The following TMEM168 variants were observed in gnomAD, a reference collection of about 807,000 sequenced individuals.
The protein encoded by TMEM168 is transmembrane protein 168.
Under a neutral mutation model 53.2 loss-of-function variants are expected in TMEM168, and 40 were observed. The ratio of observed to expected loss-of-function variants is 0.75; its 90% CI spans 0.58 to 0.98. The LOEUF is 0.98. Ranked by LOEUF, TMEM168 falls within the 50% of genes least tolerant of loss-of-function variation. The pLI is 0.00. For missense variants in TMEM168, 771 were observed against 828.8 expected, an observed-to-expected ratio of 0.93 and a Z score of 0.86; for synonymous variants, 282 against 293.0, an observed-to-expected ratio of 0.96 and a Z score of 0.38.
Position 112,772,869 on chromosome 7 carries a change from T to C in TMEM168, c.1458A>G (p.Glu486=), listed in dbSNP as rs781035143. The change falls in exon 4 of 5, where the codon GAA becomes GAG. Residue 486 remains glutamate (E), a synonymous_variant. Coordinates refer to ENST00000312814, the MANE Select transcript of TMEM168 (RefSeq NM_022484.6). ...GTCTGGGTCCATCCACTGTCCGAAG[T>C]TCGAGGAAAGCTTTTAGTTTGGAAT... The part of the protein sequence containing the change: ...TLHSKLKAFL[E]LRTVDGPRHD... 1 of 1,614,056 alleles carries C rather than the reference T, an allele frequency of 6.2e-7. No individual in the cohort carries two copies. Among genetic ancestry groups the C allele is most frequent in the Non-Finnish European group, 8.5e-7 (1 of 1,179,982 alleles).
chr7:112,768,999 T>C (rs1792861797), intron 4 of TMEM168, among the ~76,000 whole-genome samples: 1 of 152,208 alleles, frequency 6.6e-6, no homozygotes, highest in Admixed American at 6.5e-5. Flanking sequence ...TTCACTTCCA[T>C]GTGGTTTTTA....
At chr7:112,768,943 T>C (rs751593757) in intron 4 of TMEM168, among the ~76,000 whole-genome samples, 1 of 152,208 alleles carries the variant, frequency 6.6e-6, no homozygotes, top group African/African-American at 2.4e-5. Context: ...AGAAAAAGCA[T>C]GACAGTACAT....
At chr7:112,769,767 AC>A (rs1166580559) in intron 4 of TMEM168, among the ~76,000 whole-genome samples, 4 of 152,274 alleles carry the variant, frequency 2.6e-5, no homozygotes, top group South Asian at 4.1e-4. Flanking sequence ...TAAATTATCT[AC>A]ATTTTTTCCA....
At chr7:112,781,123 CAAAA>C (rs1213448367) in intron 2 of TMEM168, among the ~76,000 whole-genome samples, 2 of 96,908 alleles carry the variant, frequency 2.1e-5, no homozygotes, top group Non-Finnish European at 4.6e-5. Context: ...AATAAAGAAG[CAAAA>C]AAAAAAAAAG....
At chr7:112,786,593 A>C (rs937405653) in intron 1 of TMEM168, among the ~76,000 whole-genome samples, 14 of 150,420 alleles carry the variant, frequency 9.3e-5, no homozygotes, top group African/African-American at 3.2e-4. Flanking sequence ...TCTGGAATGC[A>C]TTGAGTTTTT....
At chr7:112,771,488 G>C (rs891483859) in intron 4 of TMEM168, among the ~76,000 whole-genome samples, 8 of 152,120 alleles carry the variant, frequency 5.3e-5, no homozygotes, top group Non-Finnish European at 1.2e-4. Flanking sequence ...ATGTGTGTAA[G>C]GTACTAAGTA....
rs1792711638 is a variant in TMEM168 at position 112,763,938 on chromosome 7, A to C, written c.*3259T>G. ...AAGAATTTTGAATTTATTAAGAGCA[A>C]GACAGAATTCTATGGAAATATAACC... On this transcript the variant is annotated 3_prime_UTR_variant, in exon 5 of 5. Transcript: ENST00000312814. The C allele has an allele frequency of 6.6e-6, 1 of 152,112 alleles. No homozygotes were observed. Among genetic ancestry groups the C allele is most frequent in the African/African-American group, 2.4e-5 (1 of 41,446 alleles). 9.4% of individuals were successfully genotyped at this position (152,112 alleles called of 1,614,324 possible). A position where few individuals can be genotyped will look rare whatever the true frequency, so the allele number is the denominator to read the frequency against.
rs147049605 is a variant in TMEM168 at position 112,784,698 on chromosome 7, T to C, written c.128A>G (p.Asn43Ser). The C allele has an allele frequency of 5.6e-6, 9 of 1,613,916 alleles. No homozygotes were observed. Among genetic ancestry groups the C allele is most frequent in the South Asian group, 5.5e-5 (5 of 91,056 alleles). ...VRYLGYLARI[N>S]LLVAICLGLY... The stretch of plus-strand genomic sequence containing the variant: ...ACCTAAGCATATAGCAACCAATAAA[T>C]TGATTCTGGCTAAATAGCCAAGATA... The change falls in exon 2 of 5, where the codon AAT becomes AGT. Residue 43 changes from asparagine to serine, a missense_variant. Coordinates refer to ENST00000312814, the MANE Select transcript of TMEM168 (RefSeq NM_022484.6).
chr7:112,785,521 C>T (rs563791575), intron 1 of TMEM168, among the ~76,000 whole-genome samples: 4 of 152,160 alleles, frequency 2.6e-5, no homozygotes, highest in Non-Finnish European at 5.9e-5. Flanking sequence ...TACTCAGTCC[C>T]TAAAGTTGAG....
At position 112,784,855 on chromosome 7, in the gene TMEM168, G is replaced by A. The variant is rs368212739; in HGVS notation, c.-30C>T. The A allele has an allele frequency of 4.7e-5, 71 of 1,507,734 alleles. No homozygotes were observed. Among genetic ancestry groups the A allele is most frequent in the Admixed American group, 9.3e-5 (4 of 42,992 alleles). The allele number at this position is 1,507,734 out of a possible 1,614,324, so 93.4% of individuals were successfully genotyped here. ...CCAGCAATGTGGGCTTTTCCCTCAC[G>A]TTACAAAAATTAACCGCTTGTATTT... On this transcript the variant is annotated 5_prime_UTR_variant, in exon 2 of 5. The change creates a new upstream start codon in the 5' untranslated region. Coordinates refer to ENST00000312814, the MANE Select transcript of TMEM168 (RefSeq NM_022484.6).
intron 3 of TMEM168, among the ~76,000 whole-genome samples, chr7:112,773,259 T>C (rs1792979189): frequency 6.6e-6 from 1 of 152,198 alleles, no homozygotes; most frequent in South Asian, 2.1e-4. Context: ...TTATATTTAC[T>C]ATCATTAAAA....
chr7:112,783,778 G>A lies in TMEM168; in HGVS notation c.1048C>T (p.Arg350Cys), dbSNP rs776256116. Residue 350 changes from arginine (R) to cysteine (C), a missense_variant, in exon 2 of 5, where the codon CGC (arginine) becomes TGC (cysteine). Arg to Cys is a radical substitution (Grantham distance 180). Coordinates refer to ENST00000312814, the MANE Select transcript of TMEM168 (RefSeq NM_022484.6). ...LDRIMASKGMRHFCLISEQLV... is the reference protein window; with the variant it reads ...LDRIMASKGMCHFCLISEQLV... Reference sequence around the variant, plus strand: ...TGCTCTGAAATCAAGCAAAAATGGCGCATCCCTTTGGATGCCATGATTCTA... The same window carrying A: ...TGCTCTGAAATCAAGCAAAAATGGCACATCCCTTTGGATGCCATGATTCTA... 1.5e-5 allele frequency: 24 copies of A among 1,585,120 alleles called. No homozygotes were observed. The highest frequency in any genetic ancestry group is 4.5e-5 in the East Asian group (2 of 44,258).
chr7:112,783,557 T>C (rs746107865), intron 2 of TMEM168, 141 bp downstream of exon 2: 150 of 887,316 alleles, frequency 1.7e-4, no homozygotes, highest in Non-Finnish European at 2.3e-4. Context: ...CATTCAGTGC[T>C]TCAATTCCAT....
At position 112,784,157 on chromosome 7, in the gene TMEM168, CGGATTTT is replaced by C; in HGVS notation, c.662_668del (p.Lys221ArgfsTer11). 1 of 1,613,924 alleles carries C rather than the reference CGGATTTT, an allele frequency of 6.2e-7. No homozygotes were observed. The highest frequency in any genetic ancestry group is 8.5e-7 in the Non-Finnish European group (1 of 1,179,976). Reference sequence around the variant, plus strand: ...AAATAAAAAAACACGCAAAAGCAATCGGATTTTTGGGAGTTTCCAATGAGGAAAAAAA... The same window carrying C: ...AAATAAAAAAACACGCAAAAGCAATCTGGGAGTTTCCAATGAGGAAAAAAA... On this transcript the variant is annotated frameshift_variant, in exon 2 of 5. Transcript: ENST00000312814. LOFTEE classifies it high-confidence loss of function.
Position 112,764,635 on chromosome 7 carries a change from G to C in TMEM168, c.*2562C>G, listed in dbSNP as rs566191891. 2 of 151,280 alleles carry C rather than the reference G, an allele frequency of 1.3e-5. No homozygotes were observed. Among genetic ancestry groups the C allele is most frequent in the East Asian group, 3.9e-4 (2 of 5,124 alleles). The allele number at this position is 151,280 out of a possible 1,614,324, so 9.4% of individuals were successfully genotyped here. A position where few individuals can be genotyped will look rare whatever the true frequency, so the allele number is the denominator to read the frequency against. On this transcript the variant is annotated 3_prime_UTR_variant, in exon 5 of 5. Coordinates refer to ENST00000312814, the MANE Select transcript of TMEM168 (RefSeq NM_022484.6). ...CCTGCCTCAGTCTCCCAAGTAGATG[G>C]GACTACAGGCGTGCACCACCACGCC...
At position 112,784,306 on chromosome 7, in the gene TMEM168, C is replaced by T; in HGVS notation, c.520G>A (p.Val174Met). 1 of 1,614,172 alleles carries T rather than the reference C, an allele frequency of 6.2e-7. No homozygotes were observed. Among genetic ancestry groups the T allele is most frequent in the South Asian group, 1.1e-5 (1 of 91,084 alleles). Residue 174 changes from valine (V) to methionine (M), a missense_variant, in exon 2 of 5, where the codon GTG (valine) becomes ATG (methionine). Coordinates refer to ENST00000312814, the MANE Select transcript of TMEM168 (RefSeq NM_022484.6). ...GFAIASTTML[V>M]EKSLSVILLV... is the part of the protein sequence containing the mutation. Reference sequence around the variant, plus strand: ...AAAATGACACTCAGAGACTTCTCCACCAACATAGTTGTGCTGGCAATGGCA... The same window carrying T: ...AAAATGACACTCAGAGACTTCTCCATCAACATAGTTGTGCTGGCAATGGCA...
At chr7:112,786,832 C>T (rs1793394728) in intron 1 of TMEM168, among the ~76,000 whole-genome samples, 1 of 152,146 alleles carries the variant, frequency 6.6e-6, no homozygotes, top group South Asian at 2.1e-4. Flanking sequence ...CCTATTTCCT[C>T]TCTTCAAATC....
chr7:112,782,668 T>G (rs550028661), intron 2 of TMEM168, among the ~76,000 whole-genome samples: 1 of 152,274 alleles, frequency 6.6e-6, no homozygotes, highest in Admixed American at 6.5e-5. Context: ...TAGCACCATG[T>G]CCAGGCAAGT....
rs1792773722 is a variant in TMEM168 at position 112,766,200 on chromosome 7, A to C, written c.*997T>G. On this transcript the variant is annotated 3_prime_UTR_variant, in exon 5 of 5. Coordinates refer to ENST00000312814, the MANE Select transcript of TMEM168 (RefSeq NM_022484.6). ...GCCAATATGAATACTTTTTTACAGA[A>C]TACATTACATGTATACCAGAAGAGA... 6.6e-6 allele frequency: 1 copy of C among 152,444 alleles called. No homozygotes were observed. The highest frequency in any genetic ancestry group is 1.5e-5 in the Non-Finnish European group (1 of 68,014). 9.4% of individuals were successfully genotyped at this position (152,444 alleles called of 1,614,324 possible). A position where few individuals can be genotyped will look rare whatever the true frequency, so the allele number is the denominator to read the frequency against.
Sources: allele counts gnomAD v4.1 joint callset (sites outside exome capture counted in the v4.1 genomes callset), GRCh38; gene constraint gnomAD v4.1.1; transcripts MANE v1.5; gene names NCBI Gene and HGNC (gene_info 2026-07-23, HGNC 2026-07-21).